The following PROX1 variants were observed in gnomAD, a reference collection of about 807,000 sequenced individuals.
PROX1 encodes the protein prospero homeobox 1.
Under a neutral mutation model 58.8 loss-of-function variants are expected in PROX1, and 7 were observed. The observed-to-expected ratio is 0.12, with a 90% CI of 0.07 to 0.22. PROX1 has a LOEUF of 0.22. Among genes scored for constraint, PROX1 ranks in the 10% least tolerant of loss-of-function variants. PROX1 has a pLI of 1.00. For synonymous variants in PROX1, 350 were observed against 358.3 expected, an observed-to-expected ratio of 0.98 and a Z score of 0.26; for missense variants, 675 against 927.8, an observed-to-expected ratio of 0.73 and a Z score of 3.54.
chr1:214,035,900 G>GTGTC lies in PROX1; in HGVS notation c.*68_*71dup. 7.1e-7 allele frequency: 1 copy of GTGTC among 1,416,560 alleles called. No individual in the cohort carries two copies. The highest frequency in any genetic ancestry group is 1.5e-5 in the South Asian group (1 of 68,414). The allele number at this position is 1,416,560 out of a possible 1,614,324, so 87.7% of individuals were successfully genotyped here. ...TCCCCTTTGGATGTCCAAGTTATAT[G>GTGTC]TGTCTAGATTTTGATTTCATATATA... On this transcript the variant is annotated 3_prime_UTR_variant, in exon 5 of 5. Coordinates refer to ENST00000366958, the MANE Select transcript of PROX1 (RefSeq NM_001270616.2).
At chr1:214,000,539 C>A (rs1217411378) in intron 2 of PROX1, among the ~76,000 whole-genome samples, 1 of 152,170 alleles carries the variant, frequency 6.6e-6, no homozygotes, top group African/African-American at 2.4e-5. Flanking sequence ...AGAATTGTTT[C>A]TTTCATATAG....
intron 3 of PROX1, among the ~76,000 whole-genome samples, chr1:214,010,992 A>T (rs944210416): frequency 2.6e-5 from 4 of 152,160 alleles, no homozygotes; most frequent in Admixed American, 2.6e-4. Context: ...TTGCCAAAAA[A>T]ATAAGCAAAT....
chr1:213,991,122 G>C (rs1663020656), intron 1 of PROX1, among the ~76,000 whole-genome samples: 1 of 152,094 alleles, frequency 6.6e-6, no homozygotes, highest in Admixed American at 6.5e-5. Flanking sequence ...CTTGTCCATG[G>C]GTTAAAACAT....
chr1:214,007,926 G>A (rs1663772877), intron 3 of PROX1, among the ~76,000 whole-genome samples: 2 of 152,174 alleles, frequency 1.3e-5, no homozygotes, highest in South Asian at 4.1e-4. Flanking sequence ...ATATATGCAT[G>A]TATCTATGGA....
chr1:213,998,370 C>T lies in PROX1; in HGVS notation c.1725+110C>T, dbSNP rs1411688391. 4.0e-6 allele frequency: 5 copies of T among 1,250,432 alleles called. No individual in the cohort carries two copies. The East Asian group carries it at 7.3e-5, about 18-fold the overall frequency. The allele number at this position is 1,250,432 out of a possible 1,614,324, so 77.5% of individuals were successfully genotyped here. A position where few individuals can be genotyped will look rare whatever the true frequency, so the allele number is the denominator to read the frequency against. ...GTAGATTAGTATCTTCTTAAGAAGG[C>T]AACCTTTCCCATTATTCAAAGGAAT... On this transcript the variant is annotated intron_variant, in intron 2 of 4. Transcript: ENST00000366958.
chr1:213,997,381 G>A lies in PROX1; in HGVS notation c.846G>A (p.Glu282=), dbSNP rs1388067712. Residue 282 remains glutamate (E), a synonymous_variant, in exon 2 of 5, where the codon GAG becomes GAA. Coordinates refer to ENST00000366958, the MANE Select transcript of PROX1 (RefSeq NM_001270616.2). This position sits in a 1 kb window ranked among gnomAD's most constrained non-coding sequence, Gnocchi z 7.1. ...GNLSEDSMRS[E]ILDARAQDSV... ...TGTCTGAAGACAGCATGCGCTCGGA[G>A]ATCCTGGATGCCAGGGCCCAGGACT... 2 of 1,613,988 alleles carry A rather than the reference G, an allele frequency of 1.2e-6. No individual in the cohort carries two copies. The highest frequency in any genetic ancestry group is 1.3e-5 in the African/African-American group (1 of 74,922).
At chr1:214,026,762 G>T (rs1664470779) in intron 4 of PROX1, among the ~76,000 whole-genome samples, 1 of 152,162 alleles carries the variant, frequency 6.6e-6, no homozygotes, top group African/African-American at 2.4e-5. Flanking sequence ...TTCATTCATT[G>T]CTGTGGTCAG....
intron 4 of PROX1, among the ~76,000 whole-genome samples, chr1:214,015,909 T>G (rs907931170): frequency 2.0e-5 from 3 of 152,186 alleles, no homozygotes; most frequent in Non-Finnish European, 2.9e-5. Context: ...AGGCAGGGTC[T>G]AAGTTTCCAG....
chr1:214,027,516 T>C (rs747133468), intron 4 of PROX1, among the ~76,000 whole-genome samples: 12 of 152,366 alleles, frequency 7.9e-5, no homozygotes, highest in Non-Finnish European at 1.3e-4. Flanking sequence ...ATTCTTTTCC[T>C]GTGAGATGAC....
chr1:213,994,747 G>T (rs1215161891), intron 1 of PROX1, among the ~76,000 whole-genome samples: 3 of 77,036 alleles, frequency 3.9e-5, no homozygotes, highest in East Asian at 5.2e-4. Flanking sequence ...TCTCAAGCAT[G>T]CAAATATATA....
At chr1:214,011,878 A>G (rs1044329305) in intron 4 of PROX1, among the ~76,000 whole-genome samples, 163 bp downstream of exon 4, 1 of 152,162 alleles carries the variant, frequency 6.6e-6, no homozygotes, top group Admixed American at 6.5e-5. Context: ...CATAGTCCCC[A>G]TTGGAATCAT....
chr1:213,998,177 G>C lies in PROX1; in HGVS notation c.1642G>C (p.Glu548Gln). 6.2e-7 allele frequency: 1 copy of C among 1,613,682 alleles called. No individual in the cohort carries two copies. The highest frequency in any genetic ancestry group is 8.5e-7 in the Non-Finnish European group (1 of 1,179,782). ...ACCAGCACACCCGCCCAGCACCGCC[G>C]AAGGGCTCTCCTTGTCGCTCATAAA... Reference protein sequence around the residue: ...CSPAHPPSTAEGLSLSLIKSE... With the variant: ...CSPAHPPSTAQGLSLSLIKSE... Residue 548 changes from glutamate to glutamine, a missense_variant, in exon 2 of 5, where the codon GAA becomes CAA. Around this residue, in one of 8 missense-constraint regions of PROX1, gnomAD observed 403 missense variants for 477.4 expected, o/e 0.84. Transcript: ENST00000366958.
Position 214,011,622 on chromosome 1 carries a change from T to C in PROX1, c.1935T>C (p.Asp645=), listed in dbSNP as rs1260756406. ...MEKYARQAIN[D]GVTSTEELSI... is the part of the protein sequence containing the mutation. Reference sequence around the variant, plus strand: ...AGTACGCACGTCAAGCCATCAACGATGGGGTCACCAGTACTGAAGAGCTGT... The same window carrying C: ...AGTACGCACGTCAAGCCATCAACGACGGGGTCACCAGTACTGAAGAGCTGT... The change falls in exon 4 of 5, where the codon GAT becomes GAC. Residue 645 remains aspartate (D), a synonymous_variant. Transcript: ENST00000366958. 6.2e-7 allele frequency: 1 copy of C among 1,614,110 alleles called. No individual in the cohort carries two copies. Among genetic ancestry groups the C allele is most frequent in the Non-Finnish European group, 8.5e-7 (1 of 1,179,952 alleles).
At chr1:214,015,664 G>A (rs1206940077) in intron 4 of PROX1, among the ~76,000 whole-genome samples, 2 of 151,748 alleles carry the variant, frequency 1.3e-5, no homozygotes, top group Non-Finnish European at 2.9e-5. Flanking sequence ...ATTGCACAAC[G>A]TAAGGAGCCA....
chr1:214,022,918 C>T lies in PROX1; in HGVS notation c.2028+11203C>T, dbSNP rs535462846. Among the ~76,000 whole-genome samples the T allele has an allele frequency of 2.0e-5, 3 of 152,278 alleles. No individual in the cohort carries two copies. The East Asian group carries it at 5.8e-4, about 29-fold the overall frequency. On this transcript the variant is annotated intron_variant, in intron 4 of 4. Coordinates refer to ENST00000366958, the MANE Select transcript of PROX1 (RefSeq NM_001270616.2). ...AGTGAGTATAGAGGCCCTGGGAATC[C>T]AGATGGCTTCCATGTGAGGCCCCTT...
At chr1:214,021,864 C>T (rs1369344679) in intron 4 of PROX1, among the ~76,000 whole-genome samples, 1 of 152,216 alleles carries the variant, frequency 6.6e-6, no homozygotes, top group Non-Finnish European at 1.5e-5. Context: ...CCACCCTGCC[C>T]TCCAGATGTT....
chr1:214,004,215 C>G (rs1282570587), intron 2 of PROX1, among the ~76,000 whole-genome samples: 1 of 152,206 alleles, frequency 6.6e-6, no homozygotes. Flanking sequence ...AGAGCCATCC[C>G]AGCTCTGAGT....
chr1:213,987,012 C>T (rs1662839516), upstream of PROX1, among the ~76,000 whole-genome samples: 1 of 152,182 alleles, frequency 6.6e-6, no homozygotes. Context: ...GTTTGTTGCC[C>T]AGGCGTCAAA....
chr1:213,996,940 C>A lies in PROX1; in HGVS notation c.405C>A (p.Asp135Glu), dbSNP rs777570909. Residue 135 changes from aspartate (D) to glutamate (E), a missense_variant, in exon 2 of 5, where the codon GAC becomes GAA. Physicochemically the swap from Asp to Glu is conservative, Grantham distance 45. Transcript: ENST00000366958. ...ATATATGCAGCAACTCTTCAAGAGA[C>A]AGCCCCCCAGAGTGTCTTTCCCCTT... Reference protein sequence around the residue: ...QEDICSNSSRDSPPECLSPFG... With the variant: ...QEDICSNSSRESPPECLSPFG... The A allele has an allele frequency of 1.2e-6, 2 of 1,614,132 alleles. No individual in the cohort carries two copies. Among genetic ancestry groups the A allele is most frequent in the Non-Finnish European group, 1.7e-6 (2 of 1,180,026 alleles).
Sources: allele counts gnomAD v4.1 joint callset (sites outside exome capture counted in the v4.1 genomes callset), GRCh38; gene constraint gnomAD v4.1.1; regional missense constraint gnomAD v4.1.1; non-coding constraint Gnocchi (gnomAD v3.1); transcripts MANE v1.5; gene names NCBI Gene and HGNC (gene_info 2026-07-23, HGNC 2026-07-21).